Variants in CCDC192 observed in about 807,000 individuals in gnomAD.
The protein encoded by CCDC192 is coiled-coil domain containing 192, also known as coiled-coil domain-containing protein 192.
At chr5:127,722,942 T>C (rs1752109302) in intron 2 of CCDC192, among the ~76,000 whole-genome samples, 1 of 152,202 alleles carries the variant, frequency 6.6e-6, no homozygotes, top group Non-Finnish European at 1.5e-5. Flanking sequence ...CTATTCTAGG[T>C]CTTTTATGGT....
chr5:127,775,279 T>C (rs1755792346), intron 3 of CCDC192, among the ~76,000 whole-genome samples: 1 of 152,162 alleles, frequency 6.6e-6, no homozygotes, highest in South Asian at 2.1e-4. Context: ...GGGCCACAGT[T>C]CTTCTGCCCT....
At chr5:127,847,275 A>G (rs1750595214) in intron 5 of CCDC192, among the ~76,000 whole-genome samples, 1 of 152,212 alleles carries the variant, frequency 6.6e-6, no homozygotes, top group African/African-American at 2.4e-5. Flanking sequence ...CCATCTGATA[A>G]AATCAAAATT....
intron 5 of CCDC192, among the ~76,000 whole-genome samples, chr5:127,868,546 G>A (rs1561531502): frequency 6.6e-6 from 1 of 152,306 alleles, no homozygotes; most frequent in East Asian, 1.9e-4. Context: ...CATGGTCAGA[G>A]GTTAGACACT....
chr5:127,920,063 C>A (rs1180131263), intron 6 of CCDC192, among the ~76,000 whole-genome samples: 1 of 152,174 alleles, frequency 6.6e-6, no homozygotes, highest in Admixed American at 6.5e-5. Context: ...CCTATACCAT[C>A]CTTGCAGAGA....
rs145058593 is a variant in CCDC192, at chr5:127,882,577, T to C, written c.535+6916T>C. Reference sequence around the variant, plus strand: ...ATAGTAAAGCCATTGAACTGTACACTTTAAAACGGTTAACGTGGTGAAATT... The same window carrying C: ...ATAGTAAAGCCATTGAACTGTACACCTTAAAACGGTTAACGTGGTGAAATT... On this transcript the variant is annotated intron_variant, in intron 6 of 6. Transcript: ENST00000514853. Among the ~76,000 whole-genome samples, 1,391 of 152,328 alleles carry C rather than the reference T, an allele frequency of 9.1e-3. 11 individuals carry two copies. Among genetic ancestry groups the C allele is most frequent in the Non-Finnish European group, 0.013 (877 of 68,026 alleles).
At chr5:127,740,104 A>C (rs1230794875) in intron 2 of CCDC192, 1 of 152,318 alleles carries the variant, frequency 6.6e-6, no homozygotes, top group Non-Finnish European at 1.5e-5. Context: ...TTATCCAAAC[A>C]GAGAACGACA....
chr5:127,820,001 A>G (rs1749210490), intron 5 of CCDC192, among the ~76,000 whole-genome samples: 1 of 152,178 alleles, frequency 6.6e-6, no homozygotes, highest in African/African-American at 2.4e-5. Flanking sequence ...ACACACGTAC[A>G]TCTCTAATAT....
At chr5:127,769,587 A>C (rs955885828) in intron 3 of CCDC192, among the ~76,000 whole-genome samples, 1 of 152,304 alleles carries the variant, frequency 6.6e-6, no homozygotes, top group Admixed American at 6.5e-5. Flanking sequence ...AGATCTCAAT[A>C]TGTAGATTTG....
intron 5 of CCDC192, among the ~76,000 whole-genome samples, chr5:127,823,771 C>T (rs1394774981): frequency 6.6e-6 from 1 of 152,200 alleles, no homozygotes; most frequent in East Asian, 1.9e-4. Context: ...AAAGGATTTT[C>T]CTTAGTGCCT....
rs551008834 is a variant in CCDC192 at position 127,839,070 on chromosome 5, A to G, written c.412-36468A>G. Among the ~76,000 whole-genome samples the G allele has an allele frequency of 7.9e-5, 12 of 152,380 alleles. 1 individual carries two copies. In the South Asian group the frequency reaches 2.5e-3, roughly 32 times the overall value. On this transcript the variant is annotated intron_variant, in intron 5 of 6. Coordinates refer to ENST00000514853, the MANE Select transcript of CCDC192 (RefSeq NM_001317938.2). ...ACTTAAGACATACAGGTCTTCCTCC[A>G]TATGGAAGGTATACACTCTTAATTC... is the stretch of plus-strand genomic sequence containing the variant.
chr5:127,866,533 ATAT>A (rs1227682550), intron 5 of CCDC192, among the ~76,000 whole-genome samples: 2 of 150,576 alleles, frequency 1.3e-5, no homozygotes, highest in East Asian at 3.9e-4. Context: ...CAGCTATATA[ATAT>A]TCAACTTACA....
chr5:127,904,956 C>G (rs1408039192), intron 6 of CCDC192, among the ~76,000 whole-genome samples: 1 of 152,060 alleles, frequency 6.6e-6, no homozygotes, highest in Non-Finnish European at 1.5e-5. Flanking sequence ...TGAAAAGCCT[C>G]TGTGCAACCG....
intron 3 of CCDC192, among the ~76,000 whole-genome samples, chr5:127,771,158 T>G (rs540634939): frequency 6.6e-6 from 1 of 152,330 alleles, no homozygotes; most frequent in South Asian, 2.1e-4. Flanking sequence ...AAACTGGAAG[T>G]CTATAGGTGC....
At chr5:127,804,978 T>C (rs934597483) in intron 5 of CCDC192, among the ~76,000 whole-genome samples, 3 of 152,152 alleles carry the variant, frequency 2.0e-5, no homozygotes, top group African/African-American at 4.8e-5. Context: ...CTCTCCAGCC[T>C]GATTCCTAGT....
At chr5:127,933,191 C>T (rs1473186020) in intron 6 of CCDC192, among the ~76,000 whole-genome samples, 1 of 152,150 alleles carries the variant, frequency 6.6e-6, no homozygotes, top group Non-Finnish European at 1.5e-5. Flanking sequence ...GGTCCCAGAT[C>T]ACATAGGGCC....
intron 2 of CCDC192, among the ~76,000 whole-genome samples, chr5:127,749,804 C>T (rs1198353692): frequency 6.6e-6 from 1 of 152,166 alleles, no homozygotes; most frequent in Non-Finnish European, 1.5e-5. Flanking sequence ...TGTTATTGGT[C>T]TATTCAGAGA....
chr5:127,915,410 G>A (rs997472971), intron 6 of CCDC192, among the ~76,000 whole-genome samples: 2 of 152,100 alleles, frequency 1.3e-5, no homozygotes, highest in African/African-American at 4.8e-5. Flanking sequence ...TTGAGATGGA[G>A]CCTCGCTGTC....
At chr5:127,932,059 C>T (rs1281708782) in intron 6 of CCDC192, among the ~76,000 whole-genome samples, 1 of 148,856 alleles carries the variant, frequency 6.7e-6, no homozygotes, top group Non-Finnish European at 1.5e-5. Context: ...GAGGCTGAGG[C>T]AGGGGAATCG....
At chr5:127,810,429 A>G (rs1758016997) in intron 5 of CCDC192, among the ~76,000 whole-genome samples, 1 of 152,092 alleles carries the variant, frequency 6.6e-6, no homozygotes, top group African/African-American at 2.4e-5. Context: ...ATTGGTTAGA[A>G]CTCAGTCATG....
Sources: gnomAD v4.1 joint callset for allele counts (sites outside exome capture counted in the v4.1 genomes callset) on GRCh38, gnomAD v4.1.1 for gene constraint, MANE v1.5 for transcripts, NCBI Gene and HGNC (gene_info 2026-07-23, HGNC 2026-07-21) for gene names.